Variants in BRCA2 observed in about 807,000 individuals in gnomAD.
BRCA2 encodes the protein breast cancer type 2 susceptibility protein.
A neutral mutation model predicts 276.7 loss-of-function variants in BRCA2; 203 were observed. The ratio of observed to expected loss-of-function variants is 0.73; its 90% CI spans 0.65 to 0.82. The LOEUF (loss-of-function observed/expected upper bound fraction) is 0.82. BRCA2 is among the 40% of genes least tolerant of loss of function. The pLI is 0.00. For missense variants in BRCA2, 3,920 were observed against 3,915.0 expected (o/e 1.00, Z -0.03); for synonymous variants, 1,289 against 1,338.4 (o/e 0.96, Z 0.81).
chr13:32,338,401 T>C lies in BRCA2; in HGVS notation c.4046T>C (p.Ile1349Thr), dbSNP rs80358654. ...SDSSKNDTVC[I>T]HKDETDLLFT... ...TCAAGTAAAAATGATACTGTTTGTA[T>C]TCATAAAGATGAAACGGACTTGCTA... The change falls in exon 11 of 27, where the codon ATT becomes ACT. Residue 1349 changes from isoleucine to threonine, a missense_variant. Ile to Thr is a moderately conservative substitution (Grantham distance 89, BLOSUM62 -1). Around this residue, in one of 2 missense-constraint regions of BRCA2, gnomAD observed 3,263 missense variants for 3,156.9 expected, o/e 1.03. Transcript: ENST00000380152. 41 of 1,601,472 alleles carry C rather than the reference T, an allele frequency of 2.6e-5. No homozygotes were observed. The highest frequency in any genetic ancestry group is 3.1e-5 in the Non-Finnish European group (36 of 1,176,138).
At chr13:32,365,721 C>CTTT (rs36116910) in intron 18 of BRCA2, among the ~76,000 whole-genome samples, 320 of 105,764 alleles carry the variant, frequency 3.0e-3, no homozygotes, top group East Asian at 8.2e-3. Context: ...ACTTTGGTGT[C>CTTT]TTTTTTTTTT....
intron 24 of BRCA2, among the ~76,000 whole-genome samples, chr13:32,390,806 C>T (rs939011429): frequency 5.9e-5 from 9 of 152,192 alleles, no homozygotes; most frequent in Non-Finnish European, 1.3e-4. Context: ...GTTTGGATTT[C>T]TACTTCCACT....
Position 32,340,739 on chromosome 13 carries a change from A to G in BRCA2, c.6384A>G (p.Lys2128=), listed in dbSNP as rs397507847. Residue 2128 remains lysine (K), a synonymous_variant, in exon 11 of 27, where the codon AAA becomes AAG. Transcript: ENST00000380152. ...VNSEMEKTCS[K]EFKLSNNLNV... is the part of the protein sequence containing the mutation. Reference sequence around the variant, plus strand: ...CAGAAATGGAAAAAACCTGCAGTAAAGAATTTAAATTATCAAATAACTTAA... The same window carrying G: ...CAGAAATGGAAAAAACCTGCAGTAAGGAATTTAAATTATCAAATAACTTAA... The G allele has an allele frequency of 1.9e-6, 3 of 1,606,530 alleles. No individual in the cohort carries two copies. The highest frequency in any genetic ancestry group is 4.5e-5 in the East Asian group (2 of 44,798).
Position 32,326,298 on chromosome 13 carries a change from G to A in BRCA2, c.516+16G>A, listed in dbSNP as rs1441085142. 1.9e-6 allele frequency: 3 copies of A among 1,608,616 alleles called. No homozygotes were observed. The highest frequency in any genetic ancestry group is 2.6e-6 in the Non-Finnish European group (3 of 1,175,420). On this transcript the variant is annotated intron_variant, in intron 6 of 26. Coordinates refer to ENST00000380152, the MANE Select transcript of BRCA2 (RefSeq NM_000059.4). ...GTTTGTGAAGGTAAATATTCTACCT[G>A]GTTTATTTTTATGACTTAGTAATTG... is the stretch of plus-strand genomic sequence containing the variant.
chr13:32,371,146 C>A (rs2137601466), intron 20 of BRCA2, 46 bp downstream of exon 20: 2 of 1,591,866 alleles, frequency 1.3e-6, no homozygotes, highest in Non-Finnish European at 1.7e-6. Context: ...AATATGAGAA[C>A]AAAGTCTTAG....
In BRCA2 at chr13:32,363,518, A is replaced by G. The variant is rs1555287084; in HGVS notation, c.8316A>G (p.Glu2772=). 4 of 1,613,404 alleles carry G rather than the reference A, an allele frequency of 2.5e-6. No individual in the cohort carries two copies. Among genetic ancestry groups the G allele is most frequent in the Non-Finnish European group, 3.4e-6 (4 of 1,179,370 alleles). Residue 2772 remains glutamate, a synonymous_variant, in exon 18 of 27, where the codon GAA becomes GAG. Transcript: ENST00000380152. The part of the protein sequence containing the change: ...PDACTPLEAP[E]SLMLKISANS... ...CCTGTACACCTCTTGAAGCCCCAGA[A>G]TCTCTTATGTTAAAGGTAAATTAAT...
In BRCA2 at chr13:32,326,142, A is replaced by G. The variant is rs68071147; in HGVS notation, c.467A>G (p.Asp156Gly). The stretch of plus-strand genomic sequence containing the variant: ...TGTACACATGTAACACCACAAAGAG[A>G]TAAGTCAGGTATGATTAAAAACAAT... ...LQCTHVTPQRDKSVVCGSLFH... is the reference protein window; with the variant it reads ...LQCTHVTPQRGKSVVCGSLFH... Residue 156 changes from aspartate to glycine, a missense_variant, in exon 5 of 27, where the codon GAT becomes GGT. Transcript: ENST00000380152. The G allele has an allele frequency of 3.7e-5, 59 of 1,609,358 alleles. No individual in the cohort carries two copies. In the African/African-American group the frequency reaches 5.5e-4, roughly 15 times the overall value.
In BRCA2 at chr13:32,356,469, A is replaced by T. The variant is rs1064793329; in HGVS notation, c.7477A>T (p.Met2493Leu). The change falls in exon 15 of 27, where the codon ATG (methionine) becomes TTG (leucine). Residue 2493 changes from methionine to leucine, a missense_variant. Transcript: ENST00000380152. ...SLQNARDIQD[M>L]RIKKKQRQRV... ...TCAGAATGCCAGAGATATACAGGAT[A>T]TGCGAATTAAGAAGAAACAAAGGCA... The T allele has an allele frequency of 3.7e-6, 6 of 1,614,150 alleles. No individual in the cohort carries two copies. Among genetic ancestry groups the T allele is most frequent in the East Asian group, 4.5e-5 (2 of 44,884 alleles).
At chr13:32,356,385 T>G (rs373471168) in intron 14 of BRCA2, 43 bp from the exon 15 acceptor site, 85 of 1,597,340 alleles carry the variant, frequency 5.3e-5, no homozygotes, top group Non-Finnish European at 6.8e-5. Flanking sequence ...TTGTGCTTTT[T>G]AAATTTCAAT....
At chr13:32,387,124 T>C (rs1272311232) in intron 24 of BRCA2, among the ~76,000 whole-genome samples, 1 of 152,176 alleles carries the variant, frequency 6.6e-6, no homozygotes, top group Non-Finnish European at 1.5e-5. Context: ...AGGACACCAG[T>C]CATTATATTA....
chr13:32,363,980 T>C (rs2072764395), intron 18 of BRCA2, among the ~76,000 whole-genome samples: 1 of 152,196 alleles, frequency 6.6e-6, no homozygotes, highest in African/African-American at 2.4e-5. Context: ...CTATCTGAAA[T>C]TACCGATAAT....
At chr13:32,341,593 C>CT (rs1321409506) in intron 11 of BRCA2, among the ~76,000 whole-genome samples, 1 of 152,184 alleles carries the variant, frequency 6.6e-6, no homozygotes, top group African/African-American at 2.4e-5. Flanking sequence ...AGTTCAGACT[C>CT]TGACTTATAT....
intron 24 of BRCA2, chr13:32,385,901 A>T (rs1319190936): frequency 6.2e-6 from 1 of 160,016 alleles, no homozygotes; most frequent in Non-Finnish European, 1.4e-5. Flanking sequence ...AAAATAGAAA[A>T]AGGCATAATT....
chr13:32,365,306 G>C (rs1214436120), intron 18 of BRCA2, among the ~76,000 whole-genome samples: 1 of 151,144 alleles, frequency 6.6e-6, no homozygotes, highest in Non-Finnish European at 1.5e-5. Flanking sequence ...CTGGCCTGCG[G>C]TGCTGTTTTT....
rs763714374 is a variant in BRCA2, at chr13:32,336,335, T to C, written c.1980T>C (p.Thr660=). ...CTGAAGAACCAACTTTGTCCTTAAC[T>C]AGCTCTTTTGGGACAATTCTGAGGA... ...NDSEEPTLSL[T]SSFGTILRKC... Residue 660 remains threonine (T), a synonymous_variant, in exon 11 of 27, where the codon ACT becomes ACC. Coordinates refer to ENST00000380152, the MANE Select transcript of BRCA2 (RefSeq NM_000059.4). 1 of 1,605,478 alleles carries C rather than the reference T, an allele frequency of 6.2e-7. No homozygotes were observed. Among genetic ancestry groups the C allele is most frequent in the Non-Finnish European group, 8.5e-7 (1 of 1,176,094 alleles).
chr13:32,323,497 T>G (rs1007617355), intron 3 of BRCA2, among the ~76,000 whole-genome samples: 4 of 152,284 alleles, frequency 2.6e-5, no homozygotes, highest in South Asian at 2.1e-4. Context: ...ATTAGCTACT[T>G]TTTAGTATCT....
intron 24 of BRCA2, among the ~76,000 whole-genome samples, chr13:32,380,830 G>A (rs964703443): frequency 6.6e-6 from 1 of 151,772 alleles, no homozygotes; most frequent in Non-Finnish European, 1.5e-5. Context: ...GTGAGCCACC[G>A]TGCCTGGCCA....
chr13:32,375,271 G>T, intron 20 of BRCA2: 1 of 354,674 alleles, frequency 2.8e-6, no homozygotes, highest in South Asian at 2.3e-5. Flanking sequence ...TTGTGACATT[G>T]CAGTAATTCA....
intron 24 of BRCA2, chr13:32,384,910 C>A: frequency 3.1e-6 from 1 of 324,972 alleles, no homozygotes; most frequent in Non-Finnish European, 6.2e-6. Context: ...AAGACTTAAT[C>A]CAGAAAGAAG....
Sources: gnomAD v4.1 joint callset for allele counts (sites outside exome capture counted in the v4.1 genomes callset) on GRCh38, gnomAD v4.1.1 for gene constraint, gnomAD v4.1.1 regional missense constraint, MANE v1.5 for transcripts, NCBI Gene and HGNC (gene_info 2026-07-23, HGNC 2026-07-21) for gene names.